The following ZFHX3 variants were observed in gnomAD, a reference collection of about 807,000 sequenced individuals.
The protein encoded by ZFHX3 is zinc finger homeobox 3, also known as zinc finger homeobox protein 3.
Under a neutral mutation model 279.1 loss-of-function variants are expected in ZFHX3, and 42 were observed. The observed-to-expected ratio is 0.15, with a 90% CI of 0.12 to 0.19. ZFHX3 has a LOEUF of 0.19. Among genes scored for constraint, ZFHX3 ranks in the 10% least tolerant of loss-of-function variants. The pLI is 1.00. For missense variants in ZFHX3, 4,981 were observed against 4,754.0 expected (o/e 1.05, Z -1.40); for synonymous variants, 2,293 against 1,957.8 (o/e 1.17, Z -4.52).
chr16:72,939,418 G>A (rs1005798485), intron 3 of ZFHX3, among the ~76,000 whole-genome samples: 12 of 152,224 alleles, frequency 7.9e-5, no homozygotes, highest in Admixed American at 2.0e-4. Flanking sequence ...GCTAGATGGA[G>A]CCACTCTGCT....
chr16:73,281,266 G>A (rs544153507), intron 4 of ZFHX3, among the ~76,000 whole-genome samples: 2 of 152,218 alleles, frequency 1.3e-5, no homozygotes, highest in East Asian at 3.9e-4. Context: ...AAGAAATGGT[G>A]GTGTATATAC....
intron 1 of ZFHX3, chr16:73,680,261 A>G (rs966222387): frequency 1.3e-5 from 2 of 152,066 alleles, no homozygotes; most frequent in Non-Finnish European, 2.9e-5. Context: ...GAAAAAAAAA[A>G]GTTTAAGGAA....
At chr16:73,300,025 A>C (rs952790562) in intron 4 of ZFHX3, among the ~76,000 whole-genome samples, 1 of 152,140 alleles carries the variant, frequency 6.6e-6, no homozygotes, top group African/African-American at 2.4e-5. Flanking sequence ...TCAGTTAACA[A>C]GTTTGGTGTG....
rs2143404025 is a variant in ZFHX3, at chr16:72,794,618, C to G, written c.8064G>C (p.Trp2688Cys). The change falls in exon 9 of 10, where the codon TGG becomes TGC. Residue 2688 changes from tryptophan to cysteine, a missense_variant. Physicochemically the swap from Trp to Cys is radical, Grantham distance 215. Coordinates refer to ENST00000268489, the MANE Select transcript of ZFHX3 (RefSeq NM_006885.4). The surrounding 1 kb of genome is among the most constrained non-coding windows in gnomAD (Gnocchi z 4.2). ...TTTCCCGAGCTCGGGTGTTCTGAAACCAGACTTGTACCACACGTTTCTTCA... is the reference window on the plus strand; with the variant it reads ...TTTCCCGAGCTCGGGTGTTCTGAAAGCAGACTTGTACCACACGTTTCTTCA... ...VGLKKRVVQV[W>C]FQNTRARERK... 1.2e-6 allele frequency: 2 copies of G among 1,614,210 alleles called. No individual in the cohort carries two copies. Among genetic ancestry groups the G allele is most frequent in the Non-Finnish European group, 1.7e-6 (2 of 1,180,038 alleles).
At chr16:73,143,224 C>T (rs1469077991) in intron 6 of ZFHX3, among the ~76,000 whole-genome samples, 1 of 151,974 alleles carries the variant, frequency 6.6e-6, no homozygotes, top group Non-Finnish European at 1.5e-5. Context: ...CTCTCATAGC[C>T]TATTTTTAAG....
intron 3 of ZFHX3, among the ~76,000 whole-genome samples, chr16:72,909,488 C>G (rs1471653820): frequency 6.6e-6 from 1 of 152,180 alleles, no homozygotes; most frequent in Non-Finnish European, 1.5e-5. Context: ...CGCGCCTGCT[C>G]TCAATAAAGG....
intron 5 of ZFHX3, among the ~76,000 whole-genome samples, chr16:73,225,143 C>A (rs1015498484): frequency 6.6e-6 from 1 of 152,100 alleles, no homozygotes; most frequent in Admixed American, 6.5e-5. Context: ...TATTAGTGTA[C>A]TGCCAAGTCT....
chr16:73,573,534 G>A (rs1331735191), intron 2 of ZFHX3, among the ~76,000 whole-genome samples: 1 of 152,234 alleles, frequency 6.6e-6, no homozygotes, highest in African/African-American at 2.4e-5. Context: ...AGTGATCTTA[G>A]CTGTAGTTGC....
intron 4 of ZFHX3, chr16:73,293,984 G>GT (rs1229661018): frequency 2.1e-5 from 1 of 47,820 alleles, no homozygotes; most frequent in Non-Finnish European, 3.3e-5. Context: ...AAGTCAATAT[G>GT]CCAAAAAAAA....
chr16:73,792,856 A>ACCCCCCCCCC (rs55813623), intron 1 of ZFHX3, among the ~76,000 whole-genome samples: 47 of 135,062 alleles, frequency 3.5e-4, no homozygotes, highest in African/African-American at 5.8e-4. Context: ...CATACAGTGC[A>ACCCCCCCCCC]CCCCCCCCCT....
Position 72,793,532 on chromosome 16 carries a change from G to A in ZFHX3, c.9150C>T (p.Ser3050=). Residue 3050 remains serine, a synonymous_variant, in exon 9 of 10, where the codon TCC becomes TCT. Coordinates refer to ENST00000268489, the MANE Select transcript of ZFHX3 (RefSeq NM_006885.4). This position sits in a 1 kb window ranked among gnomAD's most constrained non-coding sequence, Gnocchi z 4.3. ...GGCTTCCAATGGTGTCTTTAACTTT[G>A]GAGATATGCTGTTGGGAAAAGATAT... ...RDHIFSQQHI[S]KVKDTIGSQL... The A allele has an allele frequency of 6.2e-7, 1 of 1,614,168 alleles. No homozygotes were observed. Among genetic ancestry groups the A allele is most frequent in the Middle Eastern group, 1.6e-4 (1 of 6,062 alleles).
At chr16:73,489,615 A>G (rs2019027135) in intron 2 of ZFHX3, among the ~76,000 whole-genome samples, 1 of 152,252 alleles carries the variant, frequency 6.6e-6, no homozygotes, top group South Asian at 2.1e-4. Context: ...AAGCAGCATT[A>G]TCTTGGAAAT....
rs918603521 is a variant in ZFHX3 at position 72,933,815 on chromosome 16, T to C, written c.3216+16654A>G. ...TGAAATGTTTAGCTCACAACTTTCT[T>C]TTTTTTTTTTTTTTTTTTTTTGAGA... On this transcript the variant is annotated intron_variant, in intron 3 of 9. Transcript: ENST00000268489. Among the ~76,000 whole-genome samples, 3 of 108,744 alleles carry C rather than the reference T, an allele frequency of 2.8e-5. No individual in the cohort carries two copies. The East Asian group carries it at 6.9e-4, about 25-fold the overall frequency. The allele number at this position is 108,744 out of a possible 152,430, so 71.3% of individuals were successfully genotyped here.
intron 1 of ZFHX3, among the ~76,000 whole-genome samples, chr16:73,710,994 G>A (rs2053357186): frequency 6.6e-6 from 1 of 152,184 alleles, no homozygotes; most frequent in Non-Finnish European, 1.5e-5. Context: ...TGCACAGCCT[G>A]GTCATTATAC....
At chr16:73,759,996 G>T (rs2053846807) in intron 1 of ZFHX3, among the ~76,000 whole-genome samples, 1 of 139,156 alleles carries the variant, frequency 7.2e-6, no homozygotes, top group Admixed American at 7.5e-5. Context: ...AAACATCAAT[G>T]AATCCAGGAG....
chr16:73,452,069 T>G (rs1464199888), intron 3 of ZFHX3, among the ~76,000 whole-genome samples: 3 of 152,134 alleles, frequency 2.0e-5, no homozygotes, highest in Non-Finnish European at 4.4e-5. Context: ...GATAAACACA[T>G]GGGAATCAGT....
intron 2 of ZFHX3, among the ~76,000 whole-genome samples, chr16:72,954,501 G>T (rs1204594527): frequency 1.3e-5 from 2 of 152,132 alleles, no homozygotes; most frequent in African/African-American, 4.8e-5. Context: ...ACCTTGACAC[G>T]TGAGCCCACC....
At chr16:73,262,290 A>G (rs2013848641) in intron 4 of ZFHX3, among the ~76,000 whole-genome samples, 2 of 152,250 alleles carry the variant, frequency 1.3e-5, no homozygotes, top group Non-Finnish European at 2.9e-5. Flanking sequence ...TTTAAGGAGC[A>G]GACTTAAGGT....
intron 5 of ZFHX3, among the ~76,000 whole-genome samples, chr16:72,825,904 G>A (rs1165795904): frequency 6.6e-6 from 1 of 152,190 alleles, no homozygotes; most frequent in African/African-American, 2.4e-5. Context: ...CAGTTCAGAT[G>A]CAGAACATTT....
Sources: gnomAD v4.1 joint callset for allele counts (sites outside exome capture counted in the v4.1 genomes callset) on GRCh38, gnomAD v4.1.1 for gene constraint, Gnocchi (gnomAD v3.1) non-coding constraint, MANE v1.5 for transcripts, NCBI Gene and HGNC (gene_info 2026-07-23, HGNC 2026-07-21) for gene names.